The following BRCA1 variants were observed in gnomAD, a reference collection of about 807,000 sequenced individuals.
BRCA1 encodes the protein breast cancer type 1 susceptibility protein.
A neutral mutation model predicts 173.7 loss-of-function variants in BRCA1; 140 were observed. The ratio of observed to expected loss-of-function variants is 0.81; its 90% CI spans 0.70 to 0.93. BRCA1 has a LOEUF of 0.93. Ranked by LOEUF, BRCA1 falls within the 40% of genes least tolerant of loss-of-function variation. The probability of loss-of-function intolerance (pLI) is 0.00; values close to 1 mark genes in which losing one functional copy is unlikely to be tolerated. For synonymous variants in BRCA1, 662 were observed against 756.0 expected (o/e 0.88, Z 2.04); for missense variants, 1,983 against 2,172.5 (o/e 0.91, Z 1.73).
In BRCA1 at chr17:43,125,348, G is replaced by T. The variant is rs766347954; in HGVS notation, c.-97C>A. 1.2e-5 allele frequency: 5 copies of T among 433,562 alleles called. No homozygotes were observed. The highest frequency in any genetic ancestry group is 8.1e-5 in the African/African-American group (4 of 49,310). The allele number at this position is 433,562 out of a possible 1,614,324, so 26.9% of individuals were successfully genotyped here. A position where few individuals can be genotyped will look rare whatever the true frequency, so the allele number is the denominator to read the frequency against. Reference sequence around the variant, plus strand: ...TGAGAAACCCCACAGCCTGTCCCCCGTCCAGGAAGTCTCAGCGAGCTCACG... The same window carrying T: ...TGAGAAACCCCACAGCCTGTCCCCCTTCCAGGAAGTCTCAGCGAGCTCACG... On this transcript the variant is annotated 5_prime_UTR_variant, in exon 1 of 23. Transcript: ENST00000357654.
chr17:43,113,758 T>C (rs1170507360), intron 3 of BRCA1, among the ~76,000 whole-genome samples: 4 of 152,196 alleles, frequency 2.6e-5, no homozygotes, highest in Non-Finnish European at 5.9e-5. Flanking sequence ...AAAGCAACTA[T>C]ATTCATAACT....
intron 1 of BRCA1, among the ~76,000 whole-genome samples, chr17:43,146,624 GT>G (rs1367620744): frequency 2.0e-5 from 3 of 151,708 alleles, no homozygotes; most frequent in Admixed American, 6.6e-5. Flanking sequence ...TGTTACATAT[GT>G]TAAGAATTGT....
intron 1 of BRCA1, among the ~76,000 whole-genome samples, chr17:43,152,473 C>A (rs148433083): frequency 0.016 from 2,472 of 152,250 alleles, 33 homozygotes; most frequent in Middle Eastern, 0.024. Context: ...GTCATCTCAG[C>A]ACTTTGGGAG....
intron 11 of BRCA1, among the ~76,000 whole-genome samples, chr17:43,088,679 C>A (rs1245346144): frequency 2.0e-5 from 3 of 152,140 alleles, no homozygotes; most frequent in Admixed American, 6.5e-5. Flanking sequence ...TTACTAGCAG[C>A]TAAAAGGGTA....
intron 6 of BRCA1, among the ~76,000 whole-genome samples, chr17:43,100,806 A>G (rs1012484445): frequency 7.0e-6 from 1 of 143,338 alleles, no homozygotes; most frequent in Non-Finnish European, 1.5e-5. Flanking sequence ...ATCTCGGCAC[A>G]CTGCAACCTC....
intron 1 of BRCA1, chr17:43,162,670 G>A (rs2056243718): frequency 6.6e-6 from 1 of 152,206 alleles, no homozygotes; most frequent in Admixed American, 6.5e-5. Flanking sequence ...TCCTCAGTCT[G>A]AGGAAGGTCA....
chr17:43,104,005 G>T (rs1180528379), intron 6 of BRCA1, 117 bp downstream of exon 6: 2 of 1,317,630 alleles, frequency 1.5e-6, no homozygotes, highest in Non-Finnish European at 2.1e-6. Context: ...TACTAAGGGG[G>T]CTAAGGCAGG....
intron 1 of BRCA1, chr17:43,139,918 T>G: frequency 2.1e-6 from 1 of 485,988 alleles, no homozygotes; most frequent in South Asian, 1.5e-5. Flanking sequence ...GTTTGGTCCT[T>G]CACCTTGGTT....
rs778297428 is a variant in BRCA1, at chr17:43,083,910, C to CTGGA, written c.4186-1339_4186-1336dup. Among the ~76,000 whole-genome samples, 29 of 152,258 alleles carry CTGGA rather than the reference C, an allele frequency of 1.9e-4. No individual in the cohort carries two copies. The South Asian group carries it at 4.6e-3, about 24-fold the overall frequency. Reference sequence around the variant, plus strand: ...GACAGTCTTGCTCTGTTGCCCCAGGCTGGAGTGCAGTGGTGCGATCTTGGC... The same window carrying CTGGA: ...GACAGTCTTGCTCTGTTGCCCCAGGCTGGATGGAGTGCAGTGGTGCGATCTTGGC... On this transcript the variant is annotated intron_variant, in intron 11 of 22. Coordinates refer to ENST00000357654, the MANE Select transcript of BRCA1 (RefSeq NM_007294.4).
intron 1 of BRCA1, chr17:43,144,278 C>T (rs1259043271): frequency 3.4e-6 from 1 of 290,548 alleles, no homozygotes; most frequent in South Asian, 2.8e-5. Context: ...AAGCCCCCTA[C>T]CATGTCTGAA....
intron 9 of BRCA1, 121 bp downstream of exon 9, chr17:43,095,725 T>C: frequency 2.4e-6 from 2 of 830,568 alleles, no homozygotes; most frequent in Non-Finnish European, 4.1e-6. Context: ...ATACTCTAAC[T>C]CTGCCAAGAG....
intron 21 of BRCA1, among the ~76,000 whole-genome samples, chr17:43,048,755 T>C (rs1270551372): frequency 6.6e-6 from 1 of 151,124 alleles, no homozygotes; most frequent in East Asian, 1.9e-4. Flanking sequence ...TCCTGACAAG[T>C]GATCCACCTG....
chr17:43,055,954 CA>C (rs1244016944), intron 19 of BRCA1, among the ~76,000 whole-genome samples: 1 of 152,088 alleles, frequency 6.6e-6, no homozygotes, highest in Non-Finnish European at 1.5e-5. Context: ...AATAAATTAA[CA>C]AAGAATTTAG....
chr17:43,141,807 A>G (rs867441166), intron 1 of BRCA1, among the ~76,000 whole-genome samples: 9 of 152,234 alleles, frequency 5.9e-5, no homozygotes, highest in Middle Eastern at 3.4e-3. Flanking sequence ...CCGAAAAAAA[A>G]AATTTAGCAT....
Position 43,100,646 on chromosome 17 carries a change from C to CATATATATATATTATAT in BRCA1, c.442-767_442-766insATATAATATATATATAT, listed in dbSNP as rs1332474276. Among the ~76,000 whole-genome samples the CATATATATATATTATAT allele has an allele frequency of 9.5e-5, 4 of 42,042 alleles. 1 individual carries two copies. Among genetic ancestry groups the CATATATATATATTATAT allele is most frequent in the African/African-American group, 3.7e-4 (4 of 10,886 alleles). The allele number at this position is 42,042 out of a possible 152,430, so 27.6% of individuals were successfully genotyped here. ...ATATATATATGTTATATATATATAA[C>CATATATATATATTATAT]ATATATATAACATATATATATATAT... On this transcript the variant is annotated intron_variant, in intron 6 of 22. Coordinates refer to ENST00000357654, the MANE Select transcript of BRCA1 (RefSeq NM_007294.4).
chr17:43,057,006 G>A (rs913567189), intron 19 of BRCA1, 46 bp downstream of exon 19: 1 of 1,559,900 alleles, frequency 6.4e-7, no homozygotes, highest in Non-Finnish European at 8.8e-7. Flanking sequence ...GTGGAATACA[G>A]AGTGGTGGGG....
chr17:43,102,815 G>A (rs1240969547), intron 6 of BRCA1, among the ~76,000 whole-genome samples: 2 of 152,048 alleles, frequency 1.3e-5, no homozygotes, highest in African/African-American at 4.8e-5. Flanking sequence ...ACCATGCCCA[G>A]ATAATTTAAA....
At position 43,094,009 on chromosome 17, in the gene BRCA1, G is replaced by A. The variant is rs1555591622; in HGVS notation, c.1522C>T (p.Pro508Ser). 6.2e-7 allele frequency: 1 copy of A among 1,613,864 alleles called. No individual in the cohort carries two copies. Among genetic ancestry groups the A allele is most frequent in the South Asian group, 1.1e-5 (1 of 91,042 alleles). ...LTNKLKRKRR[P>S]TSGLHPEDFI... ...TCCTCAGGATGAAGGCCTGATGTAGGTCTCCTTTTACGCTTTAATTTATTT... is the reference window on the plus strand; with the variant it reads ...TCCTCAGGATGAAGGCCTGATGTAGATCTCCTTTTACGCTTTAATTTATTT... The change falls in exon 10 of 23, where the codon CCT (proline) becomes TCT (serine). Residue 508 changes from proline to serine, a missense_variant. Coordinates refer to ENST00000357654, the MANE Select transcript of BRCA1 (RefSeq NM_007294.4).
chr17:43,136,220 C>T (rs1316883042), intron 1 of BRCA1, among the ~76,000 whole-genome samples: 1 of 152,182 alleles, frequency 6.6e-6, no homozygotes, highest in South Asian at 2.1e-4. Context: ...ATTGGGAAAA[C>T]TGGCTAGCCA....
Sources: allele counts gnomAD v4.1 joint callset (sites outside exome capture counted in the v4.1 genomes callset), GRCh38; gene constraint gnomAD v4.1.1; transcripts MANE v1.5; gene names NCBI Gene and HGNC (gene_info 2026-07-23, HGNC 2026-07-21).